GAS2: variants seen among roughly 807,000 people sequenced by gnomAD.
GAS2 encodes the protein growth arrest specific 2, also known as growth arrest-specific protein 2.
GAS2 carries 20 observed loss-of-function variants against 37.5 expected under a neutral mutation model. The observed-to-expected ratio is 0.53, with a 90% CI of 0.37 to 0.77. The LOEUF (loss-of-function observed/expected upper bound fraction) is 0.77. GAS2 is among the 30% of genes least tolerant of loss of function. The pLI is 0.00. For synonymous variants in GAS2, 144 were observed against 132.2 expected (o/e 1.09, Z -0.61); for missense variants, 336 against 373.4 (o/e 0.90, Z 0.82).
chr11:22,719,019 C>T (rs1243944064), intron 3 of GAS2, among the ~76,000 whole-genome samples: 1 of 152,082 alleles, frequency 6.6e-6, no homozygotes, highest in African/African-American at 2.4e-5. Context: ...TTTTTGTAGA[C>T]ATTTTTTTAA....
chr11:22,642,459 A>G (rs1222104819), intron 1 of GAS2, among the ~76,000 whole-genome samples: 2 of 152,210 alleles, frequency 1.3e-5, no homozygotes, highest in Admixed American at 6.6e-5. Context: ...AACAAAATTC[A>G]TAGCAGAACA....
chr11:22,701,094 A>G (rs992198631), intron 3 of GAS2, among the ~76,000 whole-genome samples: 2 of 152,190 alleles, frequency 1.3e-5, no homozygotes, highest in African/African-American at 4.8e-5. Flanking sequence ...TACAATTTCT[A>G]TAAAACTGCA....
At chr11:22,759,526 T>G (rs1854253498) in intron 7 of GAS2, among the ~76,000 whole-genome samples, 1 of 152,238 alleles carries the variant, frequency 6.6e-6, no homozygotes, top group Non-Finnish European at 1.5e-5. Context: ...AATTTTTGCC[T>G]GGTACTTTCC....
intron 6 of GAS2, among the ~76,000 whole-genome samples, chr11:22,752,580 C>T (rs767029176): frequency 1.5e-4 from 22 of 151,460 alleles, no homozygotes; most frequent in Non-Finnish European, 2.4e-4. Flanking sequence ...TGCAGAGTTT[C>T]TGCGTTTAGT....
intron 1 of GAS2, among the ~76,000 whole-genome samples, chr11:22,635,936 G>C (rs1310933158): frequency 6.6e-6 from 1 of 152,104 alleles, no homozygotes; most frequent in Non-Finnish European, 1.5e-5. Context: ...ATATATCATG[G>C]AGGCAGTCTC....
At chr11:22,679,356 T>C (rs1280142135) in intron 2 of GAS2, among the ~76,000 whole-genome samples, 2 of 152,092 alleles carry the variant, frequency 1.3e-5, no homozygotes, top group Non-Finnish European at 2.9e-5. Flanking sequence ...TTTTTGCTCA[T>C]GAACCAAATA....
intron 3 of GAS2, among the ~76,000 whole-genome samples, chr11:22,714,021 A>G (rs928522106): frequency 6.6e-6 from 1 of 152,174 alleles, no homozygotes; most frequent in Admixed American, 6.5e-5. Context: ...GAACACTACT[A>G]TGTCACATCT....
chr11:22,723,685 G>C (rs753412323), intron 3 of GAS2, among the ~76,000 whole-genome samples: 2 of 151,850 alleles, frequency 1.3e-5, no homozygotes, highest in African/African-American at 4.8e-5. Flanking sequence ...ATATTGATTT[G>C]AAGTGGTAGT....
intron 3 of GAS2, among the ~76,000 whole-genome samples, chr11:22,717,959 A>G (rs1379523431): frequency 6.6e-6 from 1 of 152,112 alleles, no homozygotes; most frequent in Admixed American, 6.6e-5. Flanking sequence ...TTTAAAAATC[A>G]AAAAATAATA....
intron 1 of GAS2, among the ~76,000 whole-genome samples, chr11:22,634,028 C>G (rs1340198307): frequency 6.6e-6 from 1 of 152,260 alleles, no homozygotes; most frequent in Non-Finnish European, 1.5e-5. Context: ...TGTTTTCAAA[C>G]TGCTGAGGAA....
intron 7 of GAS2, among the ~76,000 whole-genome samples, chr11:22,809,598 C>T (rs1417002781): frequency 6.6e-6 from 1 of 151,968 alleles, no homozygotes; most frequent in Admixed American, 6.6e-5. Context: ...AGCAATTCTC[C>T]TGTCTCAGCC....
At chr11:22,670,629 T>C (rs1849161495) in intron 1 of GAS2, among the ~76,000 whole-genome samples, 1 of 152,156 alleles carries the variant, frequency 6.6e-6, no homozygotes, top group Non-Finnish European at 1.5e-5. Flanking sequence ...ATAAAAAACA[T>C]ATCGAATATT....
At chr11:22,660,866 C>G (rs1848908809) in intron 1 of GAS2, among the ~76,000 whole-genome samples, 1 of 152,192 alleles carries the variant, frequency 6.6e-6, no homozygotes, top group Admixed American at 6.6e-5. Context: ...GCTTGGAGTA[C>G]TGCCCTTTTA....
chr11:22,725,370 G>T (rs185359742), intron 3 of GAS2, among the ~76,000 whole-genome samples: 11 of 152,166 alleles, frequency 7.2e-5, no homozygotes, highest in Non-Finnish European at 1.2e-4. Context: ...AATTATGTTT[G>T]TATTATATGC....
chr11:22,714,936 T>C (rs1321207881), intron 3 of GAS2, among the ~76,000 whole-genome samples: 1 of 152,054 alleles, frequency 6.6e-6, no homozygotes, highest in Non-Finnish European at 1.5e-5. Context: ...AGACAATCTA[T>C]GCTCACACCT....
chr11:22,651,400 G>T (rs1157374687), intron 1 of GAS2, among the ~76,000 whole-genome samples: 1 of 152,060 alleles, frequency 6.6e-6, no homozygotes, highest in Non-Finnish European at 1.5e-5. Context: ...ATGTGTCTTG[G>T]AGTTGCTCTT....
At chr11:22,628,459 T>G (rs1321486976) in intron 1 of GAS2, among the ~76,000 whole-genome samples, 1 of 152,186 alleles carries the variant, frequency 6.6e-6, no homozygotes, top group Non-Finnish European at 1.5e-5. Flanking sequence ...ATCTCCCTCC[T>G]CTTGGTTTTG....
chr11:22,668,436 A>G (rs1849073071), intron 1 of GAS2: 1 of 152,276 alleles, frequency 6.6e-6, no homozygotes, highest in Non-Finnish European at 1.5e-5. Flanking sequence ...TGGAAAAGGT[A>G]GCTTGGATTT....
rs1477984559 is a variant in GAS2 at position 22,751,324 on chromosome 11, T to C, written c.615+2063T>C. ...TTAAAATTCAGGTTGCGCTACCCCCTATATAAAGATTTTTCTGGTATCTCT... is the reference window on the plus strand; with the variant it reads ...TTAAAATTCAGGTTGCGCTACCCCCCATATAAAGATTTTTCTGGTATCTCT... On this transcript the variant is annotated intron_variant, in intron 6 of 7. Coordinates refer to ENST00000454584, the MANE Select transcript of GAS2 (RefSeq NM_001143830.3). Among the ~76,000 whole-genome samples, 5 of 152,092 alleles carry C rather than the reference T, an allele frequency of 3.3e-5. No homozygotes were observed. In the East Asian group the frequency reaches 9.7e-4, roughly 29 times the overall value.
Sources: gnomAD v4.1 joint callset for allele counts (sites outside exome capture counted in the v4.1 genomes callset) on GRCh38, gnomAD v4.1.1 for gene constraint, MANE v1.5 for transcripts, NCBI Gene and HGNC (gene_info 2026-07-23, HGNC 2026-07-21) for gene names.